The following PTPRM variants were observed in gnomAD, a reference collection of about 807,000 sequenced individuals.
The protein encoded by PTPRM is protein tyrosine phosphatase receptor type M.
PTPRM carries 47 observed loss-of-function variants against 186.7 expected under a neutral mutation model. The ratio of observed to expected loss-of-function variants is 0.25; its 90% CI spans 0.20 to 0.32. The LOEUF is 0.32. PTPRM is among the 10% of genes least tolerant of loss of function. PTPRM has a pLI of 1.00. For missense variants in PTPRM, 1,494 were observed against 1,865.0 expected (o/e 0.80, Z 3.66); for synonymous variants, 668 against 674.9 (o/e 0.99, Z 0.16).
At chr18:7,946,449 T>C (rs975201320) in intron 5 of PTPRM, among the ~76,000 whole-genome samples, 3 of 152,166 alleles carry the variant, frequency 2.0e-5, no homozygotes, top group Admixed American at 2.0e-4. Flanking sequence ...TTCTTTTCCC[T>C]TCAAAAACCA....
rs117989960 is a variant in PTPRM at position 7,981,219 on chromosome 18, G to A, written c.1132+25805G>A. On this transcript the variant is annotated intron_variant, in intron 7 of 32. Coordinates refer to ENST00000580170, the MANE Select transcript of PTPRM (RefSeq NM_001105244.2). ...ACTTAAATATCCCCTCCTCAGGGAG[G>A]CTTTCCCTAAGCAATCTCTGGACAA... 9.1e-3 allele frequency among the ~76,000 whole-genome samples: 1,385 copies of A among 152,098 alleles called. 19 individuals carry two copies. Among genetic ancestry groups the A allele is most frequent in the Non-Finnish European group, 9.8e-3 (664 of 67,988 alleles).
chr18:7,906,680 C>G, intron 4 of PTPRM, 97 bp downstream of exon 4: 1 of 980,106 alleles, frequency 1.0e-6, no homozygotes, highest in South Asian at 1.4e-5. Flanking sequence ...AAGAGGTCAT[C>G]TTGCCAAGAC....
intron 14 of PTPRM, among the ~76,000 whole-genome samples, chr18:8,229,691 A>G (rs973906155): frequency 1.3e-5 from 2 of 152,174 alleles, no homozygotes; most frequent in African/African-American, 4.8e-5. Flanking sequence ...TGTAATTTCA[A>G]CTTGTTTTAA....
chr18:8,220,355 A>T (rs1483710268), intron 14 of PTPRM, among the ~76,000 whole-genome samples: 1 of 152,232 alleles, frequency 6.6e-6, no homozygotes, highest in Non-Finnish European at 1.5e-5. Context: ...CAAGCCATTT[A>T]TCAGAGTTCT....
chr18:7,865,137 C>T (rs2047613067), intron 2 of PTPRM, among the ~76,000 whole-genome samples: 2 of 152,206 alleles, frequency 1.3e-5, no homozygotes, highest in South Asian at 4.1e-4. Context: ...ATCATGTCAT[C>T]TGCAAACAGA....
At chr18:8,307,804 C>CAA (rs35139928) in intron 20 of PTPRM, among the ~76,000 whole-genome samples, 2 of 140,940 alleles carry the variant, frequency 1.4e-5, no homozygotes, top group East Asian at 2.0e-4. Flanking sequence ...AACTCTGTCT[C>CAA]AAAAAAAAAA....
At chr18:8,019,199 G>A (rs1314483775) in intron 7 of PTPRM, among the ~76,000 whole-genome samples, 1 of 152,106 alleles carries the variant, frequency 6.6e-6, no homozygotes, top group African/African-American at 2.4e-5. Flanking sequence ...AGGAGGAAGG[G>A]GTGGCTTTGG....
intron 30 of PTPRM, among the ~76,000 whole-genome samples, chr18:8,386,005 T>C (rs2095770002): frequency 6.6e-6 from 1 of 152,070 alleles, no homozygotes; most frequent in African/African-American, 2.4e-5. Context: ...GCTCTCACGG[T>C]TCCTGTCCTG....
intron 14 of PTPRM, among the ~76,000 whole-genome samples, chr18:8,180,948 G>A (rs73941040): frequency 5.7e-4 from 86 of 152,082 alleles, no homozygotes; most frequent in Middle Eastern, 3.4e-3. Context: ...GATGGCGGGT[G>A]GGGGGGCCCT....
chr18:7,936,732 G>A (rs2051838106), intron 5 of PTPRM, among the ~76,000 whole-genome samples: 1 of 152,144 alleles, frequency 6.6e-6, no homozygotes, highest in African/African-American at 2.4e-5. Context: ...CTGCAGTTCG[G>A]GAGTGGGAAA....
intron 7 of PTPRM, among the ~76,000 whole-genome samples, chr18:8,057,164 A>C (rs969671123): frequency 2.0e-5 from 3 of 151,364 alleles, no homozygotes; most frequent in South Asian, 2.1e-4. Flanking sequence ...ATAGATAATA[A>C]CCTTTGAATA....
At chr18:7,759,213 A>G (rs1345218530) in intron 1 of PTPRM, among the ~76,000 whole-genome samples, 3 of 152,218 alleles carry the variant, frequency 2.0e-5, no homozygotes, top group African/African-American at 7.2e-5. Context: ...TTTATTCTCT[A>G]TTCACAACAC....
At chr18:7,932,089 A>T (rs2051522118) in intron 5 of PTPRM, among the ~76,000 whole-genome samples, 1 of 152,222 alleles carries the variant, frequency 6.6e-6, no homozygotes, top group East Asian at 1.9e-4. Flanking sequence ...GTTAGCAACC[A>T]CATCACATTC....
intron 20 of PTPRM, among the ~76,000 whole-genome samples, chr18:8,302,039 G>A (rs2095163994): frequency 6.6e-6 from 1 of 152,220 alleles, no homozygotes; most frequent in African/African-American, 2.4e-5. Flanking sequence ...GTGACCACAG[G>A]AGCAAGAGCT....
intron 23 of PTPRM, among the ~76,000 whole-genome samples, chr18:8,348,101 A>T (rs529183414): frequency 9.6e-4 from 146 of 152,400 alleles, no homozygotes; most frequent in Non-Finnish European, 1.5e-3. Flanking sequence ...ACCACCCAAG[A>T]AATCAAAATG....
chr18:7,996,251 A>G (rs944735944), intron 7 of PTPRM, among the ~76,000 whole-genome samples: 1 of 152,132 alleles, frequency 6.6e-6, no homozygotes, highest in Non-Finnish European at 1.5e-5. Flanking sequence ...ATGGTTCAAC[A>G]TACGCAAATC....
chr18:7,650,353 C>A (rs1432606965), intron 1 of PTPRM, among the ~76,000 whole-genome samples: 2 of 151,554 alleles, frequency 1.3e-5, no homozygotes, highest in Non-Finnish European at 2.9e-5. Flanking sequence ...ATGTCTGAAG[C>A]CAATGATCAT....
At chr18:7,596,383 G>A (rs559912260) in intron 1 of PTPRM, among the ~76,000 whole-genome samples, 1 of 152,272 alleles carries the variant, frequency 6.6e-6, no homozygotes, top group Admixed American at 6.5e-5. Context: ...TTCCATTTAT[G>A]TCACAATGCC....
intron 7 of PTPRM, among the ~76,000 whole-genome samples, chr18:7,996,236 AATGG>A (rs1348732403): frequency 6.6e-6 from 1 of 152,096 alleles, no homozygotes; most frequent in Admixed American, 6.6e-5. Context: ...CCCAGGGGAA[AATGG>A]ATGGTTCAAC....
Sources: allele counts gnomAD v4.1 joint callset (sites outside exome capture counted in the v4.1 genomes callset), GRCh38; gene constraint gnomAD v4.1.1; transcripts MANE v1.5; gene names NCBI Gene and HGNC (gene_info 2026-07-23, HGNC 2026-07-21).